The following MMP26 variants were observed in gnomAD, a reference collection of about 807,000 sequenced individuals.
The protein encoded by MMP26 is matrix metallopeptidase 26, also known as matrix metalloproteinase-26.
Under a neutral mutation model 31.0 loss-of-function variants are expected in MMP26, and 33 were observed. The ratio of observed to expected loss-of-function variants is 1.06; its 90% confidence interval spans 0.81 to 1.42. MMP26 has a LOEUF of 1.42. MMP26 is among the 40% of genes most tolerant of loss of function. MMP26 has a pLI of 0.00. For missense variants in MMP26, 347 were observed against 316.1 expected (o/e 1.10, Z -0.74); for synonymous variants, 122 against 114.9 (o/e 1.06, Z -0.40).
At chr11:4,799,505 G>A (rs373072276) in intron 2 of MMP26, among the ~76,000 whole-genome samples, 5 of 152,250 alleles carry the variant, frequency 3.3e-5, no homozygotes, top group Admixed American at 6.5e-5. Flanking sequence ...TCCCACCAAT[G>A]TTGGGGATCA....
intron 2 of MMP26, among the ~76,000 whole-genome samples, chr11:4,838,882 A>G (rs1392436924): frequency 6.6e-6 from 1 of 152,174 alleles, no homozygotes; most frequent in African/African-American, 2.4e-5. Flanking sequence ...TATAATAAAA[A>G]GGCACTGAAA....
intron 2 of MMP26, chr11:4,923,865 G>A: frequency 1.2e-6 from 2 of 1,614,022 alleles, no homozygotes; most frequent in Non-Finnish European, 1.7e-6. Flanking sequence ...GGCAAGGGGA[G>A]GATGAGGAGA....
intron 2 of MMP26, chr11:4,804,170 T>A (rs1167522587): frequency 1.9e-6 from 3 of 1,614,148 alleles, no homozygotes; most frequent in Middle Eastern, 1.6e-4. Flanking sequence ...AGGTCAGTGA[T>A]GGCCAGCATG....
At chr11:4,975,933 C>A (rs1564817901) in intron 2 of MMP26, among the ~76,000 whole-genome samples, 1 of 151,994 alleles carries the variant, frequency 6.6e-6, no homozygotes, top group Non-Finnish European at 1.5e-5. Flanking sequence ...CATATTCAAC[C>A]CAGCTAATAA....
intron 2 of MMP26, among the ~76,000 whole-genome samples, chr11:4,955,941 T>G (rs1337632724): frequency 6.6e-6 from 1 of 152,224 alleles, no homozygotes; most frequent in African/African-American, 2.4e-5. Flanking sequence ...TATTAATGCA[T>G]TGGGAAAATT....
At chr11:4,746,013 T>C (rs1283822327) in intron 1 of MMP26, among the ~76,000 whole-genome samples, 1 of 152,222 alleles carries the variant, frequency 6.6e-6, no homozygotes, top group Non-Finnish European at 1.5e-5. Flanking sequence ...CCTCAAGCAA[T>C]AATTATGTGT....
intron 1 of MMP26, among the ~76,000 whole-genome samples, chr11:4,727,957 TGTAA>T (rs1848125153): frequency 6.6e-6 from 1 of 152,048 alleles, no homozygotes; most frequent in South Asian, 2.1e-4. Context: ...CACTGCTGAG[TGTAA>T]GTGAGCAGAA....
At position 4,992,424 on chromosome 11, in the gene MMP26, G is replaced by A; in HGVS notation, c.*182G>A. ...GAGTCACAATAAAGATTGTTTTAAAGAGTAATATTTTGTCCTCATAATTTG... is the reference window on the plus strand; with the variant it reads ...GAGTCACAATAAAGATTGTTTTAAAAAGTAATATTTTGTCCTCATAATTTG... On this transcript the variant is annotated 3_prime_UTR_variant, in exon 8 of 8. Coordinates refer to ENST00000380390, the MANE Select transcript of MMP26 (RefSeq NM_021801.5). 3.2e-6 allele frequency: 2 copies of A among 620,576 alleles called. No homozygotes were observed. The highest frequency in any genetic ancestry group is 1.9e-5 in the African/African-American group (1 of 53,956). The allele number at this position is 620,576 out of a possible 1,614,324, so 38.4% of individuals were successfully genotyped here.
chr11:4,733,418 T>G lies in MMP26; in HGVS notation c.-217+28373T>G, dbSNP rs114834312. Among the ~76,000 whole-genome samples, 870 of 152,324 alleles carry G rather than the reference T, an allele frequency of 5.7e-3. 8 individuals carry two copies. Among genetic ancestry groups the G allele is most frequent in the African/African-American group, 0.02 (837 of 41,584 alleles). On this transcript the variant is annotated intron_variant, in intron 1 of 7. Transcript: ENST00000380390. ...TAATTGAATTTATTTCTAACTAATC[T>G]ATTCTTTTTGATGCTATTGTAAATG...
chr11:4,780,900 T>C (rs1848849683), intron 2 of MMP26, among the ~76,000 whole-genome samples: 1 of 151,742 alleles, frequency 6.6e-6, no homozygotes, highest in South Asian at 2.1e-4. Flanking sequence ...TATGTATCTG[T>C]AGATATGTAA....
At chr11:4,743,774 G>A (rs541365881) in intron 1 of MMP26, among the ~76,000 whole-genome samples, 16 of 152,184 alleles carry the variant, frequency 1.1e-4, no homozygotes, top group African/African-American at 3.4e-4. Context: ...AGAATTATAC[G>A]TTAATGAGTC....
At chr11:4,821,802 C>T in intron 2 of MMP26, 1 of 1,612,916 alleles carries the variant, frequency 6.2e-7, no homozygotes, top group Non-Finnish European at 8.5e-7. Flanking sequence ...GTTTTGTGGC[C>T]ATCTGTTACC....
In MMP26 at chr11:4,991,395, A is replaced by C; in HGVS notation, c.494A>C (p.Asp165Ala). ...QWAHEDGWPF[D>A]GPGGILGHAF... The stretch of plus-strand genomic sequence containing the variant: ...GCCCATGAAGATGGTTGGCCCTTTG[A>C]TGGGCCAGGTGGTATCTTAGGCCAT... The change falls in exon 6 of 8, where the codon GAT becomes GCT. Residue 165 changes from aspartate (D) to alanine (A), a missense_variant. Transcript: ENST00000380390. The C allele has an allele frequency of 6.2e-7, 1 of 1,613,604 alleles. No individual in the cohort carries two copies. The highest frequency in any genetic ancestry group is 1.3e-5 in the African/African-American group (1 of 75,040).
intron 2 of MMP26, chr11:4,945,364 G>C (rs1846278935): frequency 6.6e-6 from 1 of 152,184 alleles, no homozygotes; most frequent in South Asian, 2.1e-4. Context: ...TCAGTAGGTT[G>C]ATGTGGCTGG....
At chr11:4,915,674 G>C in intron 2 of MMP26, 1 of 1,597,160 alleles carries the variant, frequency 6.3e-7, no homozygotes, top group Non-Finnish European at 8.6e-7. Flanking sequence ...TGTGTGAGGA[G>C]ACAAGGGGGA....
chr11:4,789,242 A>G (rs1589901024), intron 2 of MMP26, among the ~76,000 whole-genome samples: 1 of 152,298 alleles, frequency 6.6e-6, no homozygotes, highest in East Asian at 1.9e-4. Context: ...TTAAATCAAG[A>G]TGAATTTCAG....
At chr11:4,720,023 G>A (rs989385141) in intron 1 of MMP26, among the ~76,000 whole-genome samples, 3 of 152,136 alleles carry the variant, frequency 2.0e-5, no homozygotes, top group Non-Finnish European at 2.9e-5. Flanking sequence ...ACAGCTTGCC[G>A]TGTCCATGGT....
intron 2 of MMP26, among the ~76,000 whole-genome samples, chr11:4,933,568 T>TTA (rs1851384796): frequency 1.3e-5 from 2 of 151,750 alleles, no homozygotes; most frequent in Admixed American, 6.6e-5. Context: ...TTGTTTTGTT[T>TTA]TTTTTATTTT....
intron 1 of MMP26, among the ~76,000 whole-genome samples, chr11:4,745,674 A>G (rs193273368): frequency 6.6e-6 from 1 of 152,274 alleles, no homozygotes; most frequent in Admixed American, 6.5e-5. Flanking sequence ...TATGGATTTG[A>G]TGCATGTGTA....
Sources: gnomAD v4.1 joint callset for allele counts (sites outside exome capture counted in the v4.1 genomes callset) on GRCh38, gnomAD v4.1.1 for gene constraint, MANE v1.5 for transcripts, NCBI Gene and HGNC (gene_info 2026-07-23, HGNC 2026-07-21) for gene names.